Variants in KITLG observed in about 807,000 individuals in gnomAD.
KITLG encodes the protein KIT ligand.
In KITLG, 13 loss-of-function variants were observed where a neutral mutation model predicts 34.1. The observed-to-expected ratio is 0.38, with a 90% confidence interval of 0.25 to 0.61. The LOEUF (loss-of-function observed/expected upper bound fraction) is 0.61, where lower values mean the gene tolerates loss of function less well. Among genes scored for constraint, KITLG ranks in the 20% least tolerant of loss-of-function variants. The probability of loss-of-function intolerance (pLI) is 0.60; values close to 1 mark genes in which losing one functional copy is unlikely to be tolerated. For synonymous variants in KITLG, 110 were observed against 104.0 expected (o/e 1.06, Z -0.35); for missense variants, 292 against 318.9 (o/e 0.92, Z 0.64).
chr12:88,539,926 A>C (rs536193645), intron 2 of KITLG, among the ~76,000 whole-genome samples: 1 of 152,206 alleles, frequency 6.6e-6, no homozygotes, highest in East Asian at 1.9e-4. Flanking sequence ...GTCTCAAAAA[A>C]AAATTAAGAT....
intron 6 of KITLG, among the ~76,000 whole-genome samples, chr12:88,510,161 C>A (rs1376709760): frequency 6.6e-6 from 1 of 152,154 alleles, no homozygotes; most frequent in Non-Finnish European, 1.5e-5. Context: ...ATACAGAACA[C>A]AAAGAATTGT....
At chr12:88,506,006 A>G (rs1460571877) in intron 8 of KITLG, among the ~76,000 whole-genome samples, 1 of 152,224 alleles carries the variant, frequency 6.6e-6, no homozygotes, top group Admixed American at 6.5e-5. Flanking sequence ...ATGTGCCTCC[A>G]GAGTTCCACA....
At chr12:88,557,716 C>A (rs552075018) in intron 1 of KITLG, among the ~76,000 whole-genome samples, 12 of 152,218 alleles carry the variant, frequency 7.9e-5, no homozygotes, top group South Asian at 4.1e-4. Context: ...GACGAGCAGA[C>A]CTCCCCCAAC....
At chr12:88,575,658 T>C (rs1417168299) in intron 1 of KITLG, among the ~76,000 whole-genome samples, 1 of 152,154 alleles carries the variant, frequency 6.6e-6, no homozygotes, top group East Asian at 1.9e-4. Flanking sequence ...TCCCTCAACT[T>C]GTTTTGTAAA....
chr12:88,545,534 G>A (rs991825144), intron 2 of KITLG, among the ~76,000 whole-genome samples: 4 of 152,130 alleles, frequency 2.6e-5, no homozygotes, highest in Non-Finnish European at 5.9e-5. Flanking sequence ...TCACAGCAGT[G>A]GTGTGCAACT....
intron 2 of KITLG, among the ~76,000 whole-genome samples, chr12:88,538,404 T>C (rs1184508703): frequency 6.6e-6 from 1 of 151,580 alleles, no homozygotes; most frequent in Non-Finnish European, 1.5e-5. Context: ...TTCTACTCCT[T>C]GTCTGTAAGA....
chr12:88,559,737 C>T (rs1332294973), intron 1 of KITLG, among the ~76,000 whole-genome samples: 1 of 152,112 alleles, frequency 6.6e-6, no homozygotes, highest in Non-Finnish European at 1.5e-5. Context: ...TTAAAAAAGA[C>T]CAATTTTTTA....
chr12:88,576,876 C>CA (rs1871846577), intron 1 of KITLG, among the ~76,000 whole-genome samples: 1 of 151,964 alleles, frequency 6.6e-6, no homozygotes, highest in South Asian at 2.1e-4. Context: ...GGAAACATTT[C>CA]AGTCACCTAT....
intron 6 of KITLG, among the ~76,000 whole-genome samples, chr12:88,507,597 A>G (rs1869110826): frequency 6.6e-6 from 1 of 152,172 alleles, no homozygotes; most frequent in African/African-American, 2.4e-5. Flanking sequence ...AAAATATTAA[A>G]TAATTGTATG....
At chr12:88,559,982 G>A (rs1019112734) in intron 1 of KITLG, among the ~76,000 whole-genome samples, 1 of 152,226 alleles carries the variant, frequency 6.6e-6, no homozygotes, top group Non-Finnish European at 1.5e-5. Flanking sequence ...CACTGTTTAT[G>A]AAGATGATGA....
At chr12:88,513,401 A>G (rs1357270750) in intron 6 of KITLG, among the ~76,000 whole-genome samples, 1 of 151,826 alleles carries the variant, frequency 6.6e-6, no homozygotes, top group Non-Finnish European at 1.5e-5. Context: ...AAAACAAGTA[A>G]GGAAATGGTG....
At chr12:88,501,588 A>T (rs2120788312) in intron 9 of KITLG, among the ~76,000 whole-genome samples, 1 of 152,232 alleles carries the variant, frequency 6.6e-6, no homozygotes, top group Non-Finnish European at 1.5e-5. Context: ...TAGAAGGCCA[A>T]ATGTAAGGGT....
intron 2 of KITLG, among the ~76,000 whole-genome samples, chr12:88,536,487 A>T (rs1405641050): frequency 6.6e-6 from 1 of 152,238 alleles, no homozygotes; most frequent in African/African-American, 2.4e-5. Context: ...ATTACTGGGT[A>T]TATACACAAA....
intron 1 of KITLG, 45 bp downstream of exon 1, chr12:88,580,219 A>T (rs1377514726): frequency 1.3e-6 from 2 of 1,589,700 alleles, no homozygotes; most frequent in South Asian, 2.3e-5. Context: ...ACCGGGCGCG[A>T]TTTTTCCTGG....
intron 1 of KITLG, among the ~76,000 whole-genome samples, chr12:88,563,913 G>T (rs1871367859): frequency 6.6e-6 from 1 of 151,768 alleles, no homozygotes; most frequent in African/African-American, 2.4e-5. Context: ...AGTAAGCCAA[G>T]ATTGCACCAT....
intron 1 of KITLG, among the ~76,000 whole-genome samples, chr12:88,579,621 C>T (rs939872375): frequency 6.6e-6 from 1 of 152,166 alleles, no homozygotes; most frequent in Non-Finnish European, 1.5e-5. Context: ...GAAAAAGGTG[C>T]GTGCATTGTG....
intron 1 of KITLG, among the ~76,000 whole-genome samples, chr12:88,573,107 C>T (rs921151511): frequency 1.3e-5 from 2 of 152,164 alleles, no homozygotes; most frequent in African/African-American, 4.8e-5. Context: ...GTCTGTGTTG[C>T]AATCCTTGGG....
intron 9 of KITLG, among the ~76,000 whole-genome samples, chr12:88,499,794 T>C (rs2120783144): frequency 6.6e-6 from 1 of 152,312 alleles, no homozygotes; most frequent in Middle Eastern, 3.4e-3. Flanking sequence ...CTGCAATGTC[T>C]TCAAATGGTC....
chr12:88,496,372 T>C lies in KITLG; in HGVS notation c.*847A>G, dbSNP rs890148601. 126 of 152,198 alleles carry C rather than the reference T, an allele frequency of 8.3e-4. No individual in the cohort carries two copies. Among genetic ancestry groups the C allele is most frequent in the African/African-American group, 2.8e-3 (117 of 41,470 alleles). The allele number at this position is 152,198 out of a possible 1,614,324, so 9.4% of individuals were successfully genotyped here. On this transcript the variant is annotated 3_prime_UTR_variant, in exon 10 of 10. Transcript: ENST00000644744. Reference sequence around the variant, plus strand: ...AATATAAACACATCATAACACATTTTGCAAACACGATTTATACACCCTATA... The same window carrying C: ...AATATAAACACATCATAACACATTTCGCAAACACGATTTATACACCCTATA...
Sources: allele counts gnomAD v4.1 joint callset (sites outside exome capture counted in the v4.1 genomes callset), GRCh38; gene constraint gnomAD v4.1.1; transcripts MANE v1.5; gene names NCBI Gene and HGNC (gene_info 2026-07-23, HGNC 2026-07-21).